The following ZNF423 variants were observed in gnomAD, a reference collection of about 807,000 sequenced individuals.
ZNF423 encodes zinc finger protein 423, also known as Ebf-associated zinc finger protein.
ZNF423 carries 12 observed loss-of-function variants against 95.8 expected under a neutral mutation model. The observed-to-expected ratio is 0.13, with a 90% CI of 0.08 to 0.20. The LOEUF (loss-of-function observed/expected upper bound fraction) is 0.20. Ranked by LOEUF, ZNF423 falls within the 10% of genes least tolerant of loss-of-function variation. ZNF423 has a pLI of 1.00. For missense variants in ZNF423, 1,316 were observed against 1,737.1 expected, an observed-to-expected ratio of 0.76 and a Z score of 4.31; for synonymous variants, 749 against 711.9, an observed-to-expected ratio of 1.05 and a Z score of -0.83.
At position 49,491,356 on chromosome 16, in the gene ZNF423, GC is replaced by G. The variant is rs755123810; in HGVS notation, c.3850-53del. ...CATGAAGGAGAAGAATGGAGAGCAT[GC>G]TCGTCCCTCCCACTCAGTGCATTTA... On this transcript the variant is annotated intron_variant, in intron 7 of 7. Transcript: ENST00000563137. 4.2e-5 allele frequency: 67 copies of G among 1,608,178 alleles called. No individual in the cohort carries two copies. In the African/African-American group the frequency reaches 8.7e-4, roughly 21 times the overall value.
rs561352792 is a variant in ZNF423, at chr16:49,526,881, T to C, written c.3602-1387A>G. Reference sequence around the variant, plus strand: ...CTCAATAAGTGTTTACTGCCAGGCATGTCAGTGTTGGTGAGAGTATTATCT... The same window carrying C: ...CTCAATAAGTGTTTACTGCCAGGCACGTCAGTGTTGGTGAGAGTATTATCT... On this transcript the variant is annotated intron_variant, in intron 5 of 7. Transcript: ENST00000563137. Among the ~76,000 whole-genome samples the C allele has an allele frequency of 5.3e-5, 8 of 152,354 alleles. No homozygotes were observed. The East Asian group carries it at 9.6e-4, about 18-fold the overall frequency.
chr16:49,843,706 A>G (rs2035214681), intron 1 of ZNF423, among the ~76,000 whole-genome samples: 1 of 152,116 alleles, frequency 6.6e-6, no homozygotes, highest in South Asian at 2.1e-4. Flanking sequence ...TCAGACCTTC[A>G]GGGAGAATGG....
At chr16:49,563,163 G>T (rs1970073527) in intron 5 of ZNF423, among the ~76,000 whole-genome samples, 1 of 152,192 alleles carries the variant, frequency 6.6e-6, no homozygotes, top group Admixed American at 6.5e-5. Flanking sequence ...CTAATCCCCA[G>T]TGTGGTCGTG....
rs926623115 is a variant in ZNF423, at chr16:49,488,821, A to T, written c.*2454T>A. 3 of 152,344 alleles carry T rather than the reference A, an allele frequency of 2.0e-5. No homozygotes were observed. The highest frequency in any genetic ancestry group is 7.2e-5 in the African/African-American group (3 of 41,446). 9.4% of individuals were successfully genotyped at this position (152,344 alleles called of 1,614,324 possible). ...ATGGTAAAGAATGCCAGTCCCAGGA[A>T]GGGCCTCAGGGTCCCCACTGCCAGC... On this transcript the variant is annotated 3_prime_UTR_variant, in exon 8 of 8. Coordinates refer to ENST00000563137, the MANE Select transcript of ZNF423 (RefSeq NM_001379286.1).
intron 5 of ZNF423, among the ~76,000 whole-genome samples, chr16:49,623,580 C>T (rs1972158256): frequency 6.6e-6 from 1 of 152,264 alleles, no homozygotes; most frequent in South Asian, 2.1e-4. Flanking sequence ...TCTTCACCTC[C>T]CTGACACTCC....
rs576439266 is a variant in ZNF423 at position 49,663,416 on chromosome 16, A to G, written c.302-24542T>C. Among the ~76,000 whole-genome samples, 3 of 152,058 alleles carry G rather than the reference A, an allele frequency of 2.0e-5. No homozygotes were observed. The South Asian group carries it at 6.2e-4, about 32-fold the overall frequency. The stretch of plus-strand genomic sequence containing the variant: ...CAGCCCACCCCCCTCGAGGCCCTAC[A>G]GAATCCATCAGGAATCATAGTCTGG... On this transcript the variant is annotated intron_variant, in intron 3 of 7. Transcript: ENST00000563137.
intron 3 of ZNF423, among the ~76,000 whole-genome samples, chr16:49,715,352 A>G (rs2032672590): frequency 6.6e-6 from 1 of 152,166 alleles, no homozygotes; most frequent in Admixed American, 6.5e-5. Context: ...AGGAAGTGAG[A>G]GAGCTATCCA....
intron 3 of ZNF423, chr16:49,664,025 G>C: frequency 1.4e-5 from 14 of 977,530 alleles, no homozygotes; most frequent in Non-Finnish European, 1.7e-5. Flanking sequence ...ACACCAGCCT[G>C]TTTTATTCAT....
At chr16:49,564,964 C>T (rs1970140563) in intron 5 of ZNF423, among the ~76,000 whole-genome samples, 2 of 152,214 alleles carry the variant, frequency 1.3e-5, no homozygotes, top group African/African-American at 4.8e-5. Flanking sequence ...TGATTAACAG[C>T]CGGCCACCTC....
chr16:49,828,564 C>A (rs776618847), intron 1 of ZNF423, among the ~76,000 whole-genome samples: 4 of 152,192 alleles, frequency 2.6e-5, no homozygotes, highest in African/African-American at 4.8e-5. Flanking sequence ...GAAAAGACTC[C>A]GCCAGCTTAA....
chr16:49,717,194 T>C (rs1388575653), intron 3 of ZNF423, among the ~76,000 whole-genome samples: 1 of 151,828 alleles, frequency 6.6e-6, no homozygotes, highest in Non-Finnish European at 1.5e-5. Flanking sequence ...GAGAAAGGGG[T>C]GGACAGGTCT....
chr16:49,837,862 G>A (rs929847916), intron 1 of ZNF423, among the ~76,000 whole-genome samples: 3 of 152,206 alleles, frequency 2.0e-5, no homozygotes, highest in Admixed American at 1.3e-4. Flanking sequence ...CAGCGGTCAC[G>A]TCACTTCCTC....
At chr16:49,517,563 G>C (rs2151694235) in intron 7 of ZNF423, among the ~76,000 whole-genome samples, 1 of 152,236 alleles carries the variant, frequency 6.6e-6, no homozygotes, top group African/African-American at 2.4e-5. Context: ...TGAGGGTACA[G>C]GTATATGGAC....
intron 7 of ZNF423, among the ~76,000 whole-genome samples, chr16:49,499,120 G>T (rs1967280677): frequency 6.6e-6 from 1 of 152,160 alleles, no homozygotes; most frequent in African/African-American, 2.4e-5. Context: ...TACGCAGATG[G>T]CAGGGCAAGG....
intron 1 of ZNF423, among the ~76,000 whole-genome samples, chr16:49,805,890 T>C (rs893931319): frequency 7.2e-5 from 11 of 152,274 alleles, no homozygotes; most frequent in African/African-American, 2.7e-4. Flanking sequence ...TGATTGCTTC[T>C]GTGCCCCCAG....
intron 1 of ZNF423, among the ~76,000 whole-genome samples, chr16:49,805,180 T>G (rs1208409084): frequency 6.6e-6 from 1 of 152,140 alleles, no homozygotes; most frequent in African/African-American, 2.4e-5. Context: ...CAGCATTATA[T>G]GTTGCCCACA....
chr16:49,795,957 C>T (rs72780381), intron 1 of ZNF423, among the ~76,000 whole-genome samples: 13,286 of 152,228 alleles, frequency 0.087, 708 homozygotes, highest in Middle Eastern at 0.15. Context: ...CCAGAGGGCC[C>T]TTAGAGGGCG....
At chr16:49,651,716 G>A (rs1039671027) in intron 3 of ZNF423, among the ~76,000 whole-genome samples, 3 of 152,310 alleles carry the variant, frequency 2.0e-5, no homozygotes, top group Admixed American at 6.5e-5. Flanking sequence ...TCTGTAAGGC[G>A]TTATATATGA....
intron 1 of ZNF423, among the ~76,000 whole-genome samples, chr16:49,841,881 C>T (rs764682008): frequency 6.6e-6 from 1 of 152,178 alleles, no homozygotes; most frequent in Non-Finnish European, 1.5e-5. Context: ...AACCAAAGGA[C>T]TCACCAAGGG....
Sources: gnomAD v4.1 joint callset for allele counts (sites outside exome capture counted in the v4.1 genomes callset) on GRCh38, gnomAD v4.1.1 for gene constraint, MANE v1.5 for transcripts, NCBI Gene and HGNC (gene_info 2026-07-23, HGNC 2026-07-21) for gene names.